Variants in CSMD3 observed in about 807,000 individuals in gnomAD.
The protein encoded by CSMD3 is CUB and sushi domain-containing protein 3.
CSMD3 carries 177 observed loss-of-function variants against 435.2 expected under a neutral mutation model. That is an observed-to-expected ratio of 0.41 (90% CI 0.36 to 0.46). The LOEUF is 0.46. Among genes scored for constraint, CSMD3 ranks in the 20% least tolerant of loss-of-function variants. The probability of loss-of-function intolerance (pLI) is 0.34; values close to 1 mark genes in which losing one functional copy is unlikely to be tolerated. For missense variants in CSMD3, 4,265 were observed against 4,504.6 expected (o/e 0.95, Z 1.52); for synonymous variants, 1,656 against 1,520.5 (o/e 1.09, Z -2.07).
At position 113,420,461 on chromosome 8, in the gene CSMD3, A is replaced by T. The variant is rs553842323; in HGVS notation, c.178+16216T>A. Among the ~76,000 whole-genome samples, 6 of 152,230 alleles carry T rather than the reference A, an allele frequency of 3.9e-5. No individual in the cohort carries two copies. The South Asian group carries it at 1.0e-3, about 26-fold the overall frequency. ...CAAACACAGTGGAATGCCCCTCCTT[A>T]AATTTTGGAAGGCAGCAAAGGAAAC... On this transcript the variant is annotated intron_variant, in intron 1 of 70. Coordinates refer to ENST00000297405, the MANE Select transcript of CSMD3 (RefSeq NM_198123.2).
chr8:113,085,454 T>G (rs898975017), intron 5 of CSMD3, among the ~76,000 whole-genome samples: 2 of 152,114 alleles, frequency 1.3e-5, no homozygotes, highest in African/African-American at 4.8e-5. Context: ...ATTAAATAAG[T>G]ATATCAAACA....
chr8:112,798,529 A>T (rs2078881275), intron 13 of CSMD3, among the ~76,000 whole-genome samples: 1 of 151,790 alleles, frequency 6.6e-6, no homozygotes. Flanking sequence ...GTTGGTTTCA[A>T]ATATATCATC....
intron 6 of CSMD3, among the ~76,000 whole-genome samples, chr8:113,006,313 C>CA (rs1452456192): frequency 6.6e-6 from 1 of 151,970 alleles, no homozygotes; most frequent in African/African-American, 2.4e-5. Flanking sequence ...TTGGACTCTT[C>CA]AGGCACAGCA....
In CSMD3 at chr8:113,028,737, T is replaced by C. The variant is rs562411921; in HGVS notation, c.918-9558A>G. ...TAACTTTATTCAATTCCATGAATAC[T>C]AAGATAAATGAGGAAGCTGTAGAAC... On this transcript the variant is annotated intron_variant, in intron 5 of 70. Coordinates refer to ENST00000297405, the MANE Select transcript of CSMD3 (RefSeq NM_198123.2). 6.6e-5 allele frequency among the ~76,000 whole-genome samples: 10 copies of C among 151,486 alleles called. No individual in the cohort carries two copies. In the East Asian group the frequency reaches 1.2e-3, roughly 18 times the overall value.
At chr8:112,229,522 C>T (rs960820610) in intron 69 of CSMD3, among the ~76,000 whole-genome samples, 5 of 151,980 alleles carry the variant, frequency 3.3e-5, no homozygotes, top group East Asian at 3.9e-4. Flanking sequence ...TCCACCTCCC[C>T]GGCTCAAGCG....
chr8:113,154,449 GT>G (rs899810802), intron 4 of CSMD3, among the ~76,000 whole-genome samples: 2 of 151,608 alleles, frequency 1.3e-5, no homozygotes, highest in African/African-American at 2.4e-5. Flanking sequence ...AAAACAATGT[GT>G]TTTTTTTAAT....
chr8:112,271,965 T>C (rs1817567280), intron 59 of CSMD3, among the ~76,000 whole-genome samples: 1 of 152,168 alleles, frequency 6.6e-6, no homozygotes, highest in Non-Finnish European at 1.5e-5. Context: ...GGTTAGTGCC[T>C]TCTAAAAGTG....
intron 20 of CSMD3, 101 bp downstream of exon 20, chr8:112,645,008 T>C: frequency 1.3e-6 from 1 of 779,180 alleles, no homozygotes. Context: ...TACTGATCTG[T>C]TTTTGCTCAT....
chr8:112,413,081 T>TA (rs748484671), intron 32 of CSMD3, among the ~76,000 whole-genome samples: 3 of 152,168 alleles, frequency 2.0e-5, no homozygotes, highest in Non-Finnish European at 4.4e-5. Context: ...ATCTATAACT[T>TA]AGATTTTAAA....
intron 12 of CSMD3, among the ~76,000 whole-genome samples, chr8:112,814,559 G>C (rs1019419139): frequency 9.9e-5 from 15 of 152,082 alleles, no homozygotes; most frequent in African/African-American, 3.6e-4. Context: ...GAGGTGAGTG[G>C]ATCACCTGAA....
chr8:112,983,765 T>C (rs1480405810), intron 6 of CSMD3, among the ~76,000 whole-genome samples: 2 of 151,756 alleles, frequency 1.3e-5, no homozygotes, highest in African/African-American at 2.4e-5. Flanking sequence ...ACTGGAAGAA[T>C]AGGGTTCATT....
chr8:112,914,990 T>A (rs1032672077), intron 10 of CSMD3, among the ~76,000 whole-genome samples: 2 of 151,948 alleles, frequency 1.3e-5, no homozygotes, highest in African/African-American at 2.4e-5. Context: ...TCATCACAGA[T>A]CTTCAAGATG....
intron 3 of CSMD3, among the ~76,000 whole-genome samples, chr8:113,178,186 C>T (rs982440395): frequency 7.9e-5 from 12 of 151,862 alleles, no homozygotes; most frequent in African/African-American, 2.9e-4. Context: ...GGGCATTCTT[C>T]CACTTAAATC....
intron 68 of CSMD3, among the ~76,000 whole-genome samples, chr8:112,233,341 T>C (rs1017046341): frequency 1.3e-5 from 2 of 152,152 alleles, no homozygotes. Context: ...TTATCAGACA[T>C]TATACTCTGG....
chr8:112,474,896 A>G (rs960112821), intron 31 of CSMD3, among the ~76,000 whole-genome samples: 1 of 152,186 alleles, frequency 6.6e-6, no homozygotes, highest in Non-Finnish European at 1.5e-5. Context: ...AGAATTATCT[A>G]GAAAAAACAA....
chr8:113,408,280 G>T (rs998625888), intron 1 of CSMD3, among the ~76,000 whole-genome samples: 2 of 152,052 alleles, frequency 1.3e-5, no homozygotes, highest in Non-Finnish European at 2.9e-5. Context: ...TAATGTTACA[G>T]TTACAGACAA....
chr8:112,367,134 G>T (rs1410936982), intron 38 of CSMD3, among the ~76,000 whole-genome samples: 2 of 151,952 alleles, frequency 1.3e-5, no homozygotes, highest in Non-Finnish European at 2.9e-5. Context: ...TGAGCAGCAT[G>T]ACTATAAATA....
intron 3 of CSMD3, among the ~76,000 whole-genome samples, chr8:113,275,840 T>C (rs1667885373): frequency 6.6e-6 from 1 of 151,802 alleles, no homozygotes; most frequent in Non-Finnish European, 1.5e-5. Flanking sequence ...ATCTCAAAAA[T>C]ATAAAAATTA....
At chr8:113,217,723 T>G (rs1015829413) in intron 3 of CSMD3, among the ~76,000 whole-genome samples, 1 of 151,318 alleles carries the variant, frequency 6.6e-6, no homozygotes, top group Non-Finnish European at 1.5e-5. Flanking sequence ...TAGAGGAATA[T>G]CAAGAGGTCT....
Sources: gnomAD v4.1 joint callset for allele counts (sites outside exome capture counted in the v4.1 genomes callset) on GRCh38, gnomAD v4.1.1 for gene constraint, MANE v1.5 for transcripts, NCBI Gene and HGNC (gene_info 2026-07-23, HGNC 2026-07-21) for gene names.